Variants in SORCS2 observed in about 807,000 individuals in gnomAD.
SORCS2 encodes the protein VPS10 domain-containing receptor SorCS2.
In SORCS2, 100 loss-of-function variants were observed where a neutral mutation model predicts 141.6. That is an observed-to-expected ratio of 0.71 (90% CI 0.60 to 0.83). The LOEUF is 0.83. Among genes scored for constraint, SORCS2 ranks in the 40% least tolerant of loss-of-function variants. The pLI is 0.00. For missense variants in SORCS2, 1,646 were observed against 1,560.2 expected (o/e 1.05, Z -0.93); for synonymous variants, 789 against 676.9 (o/e 1.17, Z -2.57).
At chr4:7,585,270 A>G (rs531387582) in intron 3 of SORCS2, among the ~76,000 whole-genome samples, 1 of 152,366 alleles carries the variant, frequency 6.6e-6, no homozygotes, top group Non-Finnish European at 1.5e-5. Context: ...GAGTTGGGCT[A>G]AAACCGTCAG....
chr4:7,437,482 C>T (rs1292643270), intron 2 of SORCS2, among the ~76,000 whole-genome samples: 1 of 152,108 alleles, frequency 6.6e-6, no homozygotes, highest in Non-Finnish European at 1.5e-5. Context: ...CAGCCCCCAC[C>T]CCTTCCCAGA....
chr4:7,615,787 G>A (rs1308786467), intron 3 of SORCS2, among the ~76,000 whole-genome samples: 3 of 152,100 alleles, frequency 2.0e-5, no homozygotes, highest in Non-Finnish European at 2.9e-5. Flanking sequence ...AGACAGCAAG[G>A]AGCCTCTGCT....
intron 8 of SORCS2, 136 bp from the exon 9 acceptor site, chr4:7,675,914 A>C: frequency 1.1e-6 from 1 of 926,098 alleles, no homozygotes. Context: ...CCGAGCCAGG[A>C]GGCAAACCTA....
chr4:7,410,546 G>T (rs77576804), intron 2 of SORCS2, among the ~76,000 whole-genome samples: 1 of 152,278 alleles, frequency 6.6e-6, no homozygotes, highest in Non-Finnish European at 1.5e-5. Context: ...CAGACAATGC[G>T]TGTAAAATGC....
At chr4:7,352,331 C>T (rs992872692) in intron 1 of SORCS2, among the ~76,000 whole-genome samples, 1 of 152,238 alleles carries the variant, frequency 6.6e-6, no homozygotes, top group Non-Finnish European at 1.5e-5. Context: ...GTGAATGAGG[C>T]AATGACCTAG....
chr4:7,366,350 A>G (rs1721884598), intron 1 of SORCS2, among the ~76,000 whole-genome samples: 1 of 151,926 alleles, frequency 6.6e-6, no homozygotes, highest in South Asian at 2.1e-4. Flanking sequence ...CTGGAGCTGC[A>G]GCAGGGTCGA....
chr4:7,559,722 A>G (rs550854891), intron 3 of SORCS2, among the ~76,000 whole-genome samples: 26 of 152,168 alleles, frequency 1.7e-4, no homozygotes, highest in Non-Finnish European at 2.6e-4. Flanking sequence ...CCATGCCTCA[A>G]TTTCCTCACC....
At chr4:7,547,772 G>A (rs1713374870) in intron 3 of SORCS2, among the ~76,000 whole-genome samples, 1 of 152,186 alleles carries the variant, frequency 6.6e-6, no homozygotes, top group African/African-American at 2.4e-5. Context: ...CTCTGCATCT[G>A]TCTTCCTTAC....
intron 2 of SORCS2, among the ~76,000 whole-genome samples, chr4:7,511,259 CAGAG>C (rs1201724938): frequency 6.6e-6 from 1 of 151,532 alleles, no homozygotes; most frequent in African/African-American, 2.4e-5. Flanking sequence ...ACAGGCCAGA[CAGAG>C]AGCCAGGTCT....
chr4:7,459,175 G>C (rs1729128135), intron 2 of SORCS2, among the ~76,000 whole-genome samples: 1 of 152,142 alleles, frequency 6.6e-6, no homozygotes, highest in African/African-American at 2.4e-5. Context: ...ACAGAGCTCA[G>C]ATCCGAGCCC....
intron 1 of SORCS2, among the ~76,000 whole-genome samples, chr4:7,247,086 C>T (rs1713147871): frequency 6.6e-6 from 1 of 152,178 alleles, no homozygotes; most frequent in South Asian, 2.1e-4. Context: ...GTGAGGGGAG[C>T]AGTGGGCCTA....
Position 7,193,125 on chromosome 4 carries a change from G to A in SORCS2, c.479G>A (p.Ser160Asn), listed in dbSNP as rs779731116. ...GTGCACTGGACGGGCGAGAACAGCA[G>A]CGTAAGTGACCTCCACGCGCTCGCC... ...AMVHWTGENSSVILILTKYYH... is the reference protein window; with the variant it reads ...AMVHWTGENSNVILILTKYYH... Residue 160 changes from serine (S) to asparagine (N), a missense_variant and splice_region_variant, in exon 1 of 27, where the codon AGC (serine) becomes AAC (asparagine). Transcript: ENST00000507866. This position sits in a 1 kb window ranked among gnomAD's most constrained non-coding sequence, Gnocchi z 4.8. The A allele has an allele frequency of 3.3e-6, 5 of 1,532,184 alleles. No homozygotes were observed. In the Admixed American group the frequency reaches 7.9e-5, roughly 24 times the overall value. 94.9% of individuals were successfully genotyped at this position (1,532,184 alleles called of 1,614,324 possible).
intron 2 of SORCS2, chr4:7,435,005 G>T: frequency 1.7e-6 from 2 of 1,206,194 alleles, no homozygotes; most frequent in East Asian, 5.1e-5. Flanking sequence ...CCCACAGCCT[G>T]ACTCACACCC....
intron 3 of SORCS2, among the ~76,000 whole-genome samples, chr4:7,543,156 T>G (rs1042746378): frequency 6.6e-6 from 1 of 152,212 alleles, no homozygotes; most frequent in African/African-American, 2.4e-5. Flanking sequence ...TTCCACATGG[T>G]GGGTGATGAG....
At chr4:7,465,191 G>A (rs974779070) in intron 2 of SORCS2, among the ~76,000 whole-genome samples, 1 of 152,212 alleles carries the variant, frequency 6.6e-6, no homozygotes, top group African/African-American at 2.4e-5. Flanking sequence ...AGGCAGCCCC[G>A]AGCAGGAGGC....
At chr4:7,727,436 C>T (rs879654966) in intron 21 of SORCS2, among the ~76,000 whole-genome samples, 2 of 152,238 alleles carry the variant, frequency 1.3e-5, no homozygotes, top group East Asian at 1.9e-4. Flanking sequence ...GACCCCCCCC[C>T]CCCTTGTCAA....
chr4:7,471,240 C>A (rs1729957549), intron 2 of SORCS2, among the ~76,000 whole-genome samples: 1 of 152,230 alleles, frequency 6.6e-6, no homozygotes, highest in Non-Finnish European at 1.5e-5. Flanking sequence ...CCGCTCAGCT[C>A]CTGCCTCGCG....
At chr4:7,658,718 C>T (rs1560462436) in intron 5 of SORCS2, among the ~76,000 whole-genome samples, 1 of 152,192 alleles carries the variant, frequency 6.6e-6, no homozygotes, top group Non-Finnish European at 1.5e-5. Context: ...CCCCTGTCCA[C>T]CTGGGGCCAC....
At chr4:7,259,483 G>C (rs1007384025) in intron 1 of SORCS2, among the ~76,000 whole-genome samples, 1 of 152,202 alleles carries the variant, frequency 6.6e-6, no homozygotes, top group Non-Finnish European at 1.5e-5. Flanking sequence ...TGCTGAGGGC[G>C]CTCTTCCTGG....
Sources: gnomAD v4.1 joint callset for allele counts (sites outside exome capture counted in the v4.1 genomes callset) on GRCh38, gnomAD v4.1.1 for gene constraint, Gnocchi (gnomAD v3.1) non-coding constraint, MANE v1.5 for transcripts, NCBI Gene and HGNC (gene_info 2026-07-23, HGNC 2026-07-21) for gene names.